Variants in CYYR1 observed in about 807,000 individuals in gnomAD.
CYYR1 encodes cysteine and tyrosine rich 1.
Under a neutral mutation model 15.2 loss-of-function variants are expected in CYYR1, and 14 were observed. The ratio of observed to expected loss-of-function variants is 0.92; its 90% CI spans 0.61 to 1.44. The LOEUF is 1.44. Among genes scored for constraint, CYYR1 ranks in the 40% most tolerant of loss-of-function variants. The probability of loss-of-function intolerance (pLI) is 0.00; values close to 1 mark genes in which losing one functional copy is unlikely to be tolerated. For missense variants in CYYR1, 228 were observed against 209.5 expected (o/e 1.09, Z -0.54); for synonymous variants, 80 against 77.4 (o/e 1.03, Z -0.18).
chr21:26,517,999 C>CCA (rs1284907832), intron 2 of CYYR1, among the ~76,000 whole-genome samples: 2 of 152,092 alleles, frequency 1.3e-5, no homozygotes, highest in Non-Finnish European at 2.9e-5. Flanking sequence ...AGGTCTTGGC[C>CCA]CACAATAACA....
At chr21:26,540,825 G>C (rs560376304) in intron 2 of CYYR1, among the ~76,000 whole-genome samples, 3 of 152,258 alleles carry the variant, frequency 2.0e-5, no homozygotes, top group Admixed American at 2.0e-4. Flanking sequence ...AAATGAACCA[G>C]ATGTTAGAAC....
At chr21:26,531,504 T>C (rs1289881737) in intron 2 of CYYR1, among the ~76,000 whole-genome samples, 1 of 152,130 alleles carries the variant, frequency 6.6e-6, no homozygotes, top group African/African-American at 2.4e-5. Context: ...TCACGAGATC[T>C]GGTTGTTTAA....
At chr21:26,494,194 A>T (rs569851602) in intron 2 of CYYR1, among the ~76,000 whole-genome samples, 28 of 152,340 alleles carry the variant, frequency 1.8e-4, no homozygotes, top group Admixed American at 1.0e-3. Context: ...AAGAAAAGCA[A>T]AGCAGAAATG....
At chr21:26,494,481 T>C (rs151267359) in intron 2 of CYYR1, among the ~76,000 whole-genome samples, 116 of 152,292 alleles carry the variant, frequency 7.6e-4, no homozygotes, top group Non-Finnish European at 1.2e-3. Flanking sequence ...ATTAAATATA[T>C]AAGTAATTAT....
intron 2 of CYYR1, among the ~76,000 whole-genome samples, chr21:26,526,225 ACCACT>A (rs2065863758): frequency 6.6e-6 from 1 of 152,172 alleles, no homozygotes; most frequent in African/African-American, 2.4e-5. Context: ...AGGTGGGTGG[ACCACT>A]TAAGGTCAGG....
At chr21:26,532,891 T>C (rs951844818) in intron 2 of CYYR1, among the ~76,000 whole-genome samples, 1 of 152,150 alleles carries the variant, frequency 6.6e-6, no homozygotes, top group East Asian at 1.9e-4. Context: ...CACAAAATTA[T>C]TAAAAAATGT....
At chr21:26,569,942 A>G (rs1980905284) in intron 1 of CYYR1, among the ~76,000 whole-genome samples, 1 of 152,190 alleles carries the variant, frequency 6.6e-6, no homozygotes, top group African/African-American at 2.4e-5. Flanking sequence ...TTTTTATGGC[A>G]TTTTCCAGTG....
Position 26,573,012 on chromosome 21 carries a change from G to A in CYYR1, c.-72C>T, listed in dbSNP as rs1261826926. On this transcript the variant is annotated 5_prime_UTR_variant, in exon 1 of 4. Transcript: ENST00000652641. ...GGAGGGAATGGGGAGGATGGAGGGC[G>A]ATCAGATGGAGAGAGCAGCGCTCCT... is the stretch of plus-strand genomic sequence containing the variant. 5.6e-6 allele frequency: 9 copies of A among 1,609,910 alleles called. No individual in the cohort carries two copies. Among genetic ancestry groups the A allele is most frequent in the Non-Finnish European group, 7.6e-6 (9 of 1,178,118 alleles).
chr21:26,503,015 G>A (rs1476711058), intron 2 of CYYR1, among the ~76,000 whole-genome samples: 1 of 152,086 alleles, frequency 6.6e-6, no homozygotes, highest in East Asian at 1.9e-4. Context: ...TTGGAGTTAG[G>A]TGGGACAAGG....
intron 2 of CYYR1, among the ~76,000 whole-genome samples, chr21:26,538,544 A>G (rs1458866347): frequency 6.6e-6 from 1 of 151,302 alleles, no homozygotes; most frequent in Non-Finnish European, 1.5e-5. Flanking sequence ...TGTTTTTGCC[A>G]CTCTTTTTTC....
intron 2 of CYYR1, among the ~76,000 whole-genome samples, chr21:26,535,203 A>G (rs527297135): frequency 2.7e-4 from 41 of 152,304 alleles, no homozygotes; most frequent in South Asian, 2.3e-3. Flanking sequence ...CGTCAGCATC[A>G]TACAATATAC....
intron 2 of CYYR1, among the ~76,000 whole-genome samples, chr21:26,517,967 G>A (rs1192587659): frequency 6.6e-6 from 1 of 152,164 alleles, no homozygotes; most frequent in African/African-American, 2.4e-5. Flanking sequence ...AGGCTTATCA[G>A]TATTCCTCTC....
At chr21:26,556,661 A>G (rs1044413564) in intron 2 of CYYR1, among the ~76,000 whole-genome samples, 12 of 152,218 alleles carry the variant, frequency 7.9e-5, no homozygotes, top group Non-Finnish European at 4.4e-5. Flanking sequence ...TGAAAGGGGA[A>G]GGGCTACACA....
Position 26,573,230 on chromosome 21 carries a change from T to C in CYYR1, c.-290A>G. On this transcript the variant is annotated 5_prime_UTR_variant, in exon 1 of 4. Transcript: ENST00000652641. ...GCTCAGGCGCGGGGAAGGCGGCCAC[T>C]CCGGCGTCCTTGGCCACCCAGGCTC... The C allele has an allele frequency of 1.4e-6, 2 of 1,400,778 alleles. No homozygotes were observed. The highest frequency in any genetic ancestry group is 1.9e-6 in the Non-Finnish European group (2 of 1,066,080). The allele number at this position is 1,400,778 out of a possible 1,614,324, so 86.8% of individuals were successfully genotyped here.
intron 2 of CYYR1, among the ~76,000 whole-genome samples, chr21:26,526,615 A>G (rs1827838): frequency 0.044 from 6,683 of 152,306 alleles, 172 homozygotes; most frequent in Middle Eastern, 0.051. Context: ...AAAATAATTA[A>G]CGGTTTCAAA....
chr21:26,566,200 A>C (rs1408323495), intron 2 of CYYR1, 66 bp downstream of exon 2: 1 of 1,213,930 alleles, frequency 8.2e-7, no homozygotes, highest in East Asian at 2.5e-5. Flanking sequence ...GTACTTTTAA[A>C]AGACATAACT....
chr21:26,569,669 G>A (rs137944805), intron 1 of CYYR1, among the ~76,000 whole-genome samples: 274 of 152,250 alleles, frequency 1.8e-3, no homozygotes, highest in Non-Finnish European at 2.1e-3. Context: ...CCACTATTCC[G>A]TCAGAGTAGG....
chr21:26,501,253 G>A (rs2123476971), intron 2 of CYYR1, among the ~76,000 whole-genome samples: 3 of 152,266 alleles, frequency 2.0e-5, no homozygotes, highest in Admixed American at 2.0e-4. Context: ...CAGGAGAATC[G>A]CTTGAACCGG....
chr21:26,573,091 G>A lies in CYYR1; in HGVS notation c.-151C>T. 1 of 1,528,936 alleles carries A rather than the reference G, an allele frequency of 6.5e-7. No individual in the cohort carries two copies. The highest frequency in any genetic ancestry group is 8.8e-7 in the Non-Finnish European group (1 of 1,142,018). The allele number at this position is 1,528,936 out of a possible 1,614,324, so 94.7% of individuals were successfully genotyped here. A position where few individuals can be genotyped will look rare whatever the true frequency, so the allele number is the denominator to read the frequency against. Reference sequence around the variant, plus strand: ...ATTGCCTAGGGAGCCTTCCAAGGGAGCCCGGGCCGGGCGCGTCCCGGGCCA... The same window carrying A: ...ATTGCCTAGGGAGCCTTCCAAGGGAACCCGGGCCGGGCGCGTCCCGGGCCA... On this transcript the variant is annotated 5_prime_UTR_variant, in exon 1 of 4. Transcript: ENST00000652641.
Sources: gnomAD v4.1 joint callset for allele counts (sites outside exome capture counted in the v4.1 genomes callset) on GRCh38, gnomAD v4.1.1 for gene constraint, MANE v1.5 for transcripts, NCBI Gene and HGNC (gene_info 2026-07-23, HGNC 2026-07-21) for gene names.